Variants in USP10 observed in about 807,000 individuals in gnomAD.
USP10 encodes the protein ubiquitin carboxyl-terminal hydrolase 10.
USP10 carries 22 observed loss-of-function variants against 84.5 expected under a neutral mutation model. That is an observed-to-expected ratio of 0.26 (90% CI 0.19 to 0.37). USP10 has a LOEUF of 0.37. Among genes scored for constraint, USP10 ranks in the 10% least tolerant of loss-of-function variants. The pLI is 1.00. For synonymous variants in USP10, 454 were observed against 387.6 expected, an observed-to-expected ratio of 1.17 and a Z score of -2.01; for missense variants, 1,019 against 998.9, an observed-to-expected ratio of 1.02 and a Z score of -0.27.
chr16:84,709,627 T>G (rs1418918962), intron 1 of USP10, among the ~76,000 whole-genome samples: 1 of 151,694 alleles, frequency 6.6e-6, no homozygotes. Context: ...ACTCGGAGGG[T>G]GCCGTGGAGG....
In USP10 at chr16:84,753,361, G is replaced by A. The variant is rs189158354; in HGVS notation, c.1193-5355G>A. ...TCCTCTTGGGATGCTGAAAGTTGTTGGTTTTCTCAGACTCTCACATAAATT... is the reference window on the plus strand; with the variant it reads ...TCCTCTTGGGATGCTGAAAGTTGTTAGTTTTCTCAGACTCTCACATAAATT... On this transcript the variant is annotated intron_variant, in intron 4 of 13. Coordinates refer to ENST00000219473, the MANE Select transcript of USP10 (RefSeq NM_005153.3). Among the ~76,000 whole-genome samples the A allele has an allele frequency of 8.8e-4, 134 of 152,152 alleles. 1 individual carries two copies. In the Middle Eastern group the frequency reaches 0.014, roughly 15 times the overall value.
chr16:84,706,065 A>G (rs1456920356), intron 1 of USP10, among the ~76,000 whole-genome samples: 1 of 152,086 alleles, frequency 6.6e-6, no homozygotes, highest in African/African-American at 2.4e-5. Context: ...GTTGTTTTGT[A>G]GAGACAGGGA....
intron 11 of USP10, among the ~76,000 whole-genome samples, chr16:84,769,976 G>C (rs1914257571): frequency 6.6e-6 from 1 of 152,172 alleles, no homozygotes; most frequent in African/African-American, 2.4e-5. Context: ...AGGTGTGGTG[G>C]CTCACGCCCT....
intron 1 of USP10, among the ~76,000 whole-genome samples, chr16:84,721,324 G>C (rs1043051604): frequency 2.0e-5 from 3 of 152,196 alleles, no homozygotes; most frequent in Non-Finnish European, 1.5e-5. Flanking sequence ...CCGTAGATGA[G>C]AGATTAACAA....
In USP10 at chr16:84,706,848, A is replaced by G. The variant is rs1010726064; in HGVS notation, c.21+6737A>G. Among the ~76,000 whole-genome samples the G allele has an allele frequency of 5.3e-5, 8 of 152,036 alleles. No homozygotes were observed. The East Asian group carries it at 5.8e-4, about 11-fold the overall frequency. On this transcript the variant is annotated intron_variant, in intron 1 of 13. Transcript: ENST00000219473. ...AGCCACCGCGCCGGGCCAAGACTAT[A>G]TATATATTTATTCAAGACCTGAAGT...
chr16:84,765,675 C>G (rs906913073), intron 10 of USP10, among the ~76,000 whole-genome samples: 9 of 152,082 alleles, frequency 5.9e-5, no homozygotes, highest in Admixed American at 1.3e-4. Context: ...ATTGGCCCAT[C>G]CACAGACAGT....
intron 1 of USP10, chr16:84,708,881 G>T (rs1221044792): frequency 2.0e-5 from 3 of 152,220 alleles, no homozygotes; most frequent in African/African-American, 7.2e-5. Context: ...GATTTTGGTG[G>T]CCGGACGTTA....
At chr16:84,753,684 T>C (rs1342412691) in intron 4 of USP10, among the ~76,000 whole-genome samples, 1 of 152,238 alleles carries the variant, frequency 6.6e-6, no homozygotes, top group African/African-American at 2.4e-5. Flanking sequence ...ATTTAGACTT[T>C]CTGGACCAGG....
rs543026368 is a variant in USP10, at chr16:84,700,009, T to A, written c.-82T>A. On this transcript the variant is annotated 5_prime_UTR_variant, in exon 1 of 14. It removes an upstream start codon present in the reference 5' UTR. Transcript: ENST00000219473. ...GCGCGGCGGCCGATGCGAGTGTGTA[T>A]GTGCGGGCGAGAAGATGGCGGCGGC... 1.6e-6 allele frequency: 2 copies of A among 1,275,610 alleles called. No homozygotes were observed. The highest frequency in any genetic ancestry group is 1.0e-4 in the East Asian group (2 of 19,218). The allele number at this position is 1,275,610 out of a possible 1,614,324, so 79.0% of individuals were successfully genotyped here.
At chr16:84,735,314 A>G (rs1243431244) in intron 2 of USP10, among the ~76,000 whole-genome samples, 2 of 152,102 alleles carry the variant, frequency 1.3e-5, no homozygotes, top group African/African-American at 2.4e-5. Flanking sequence ...TTTAGTTGCT[A>G]CAGGTTTTCT....
chr16:84,714,935 AT>A lies in USP10; in HGVS notation c.21+14836del, dbSNP rs148741686. ...TCTGATTATTATTATTATTATTATT[AT>A]TTTTTTTTTTTGAGATGGAGTCTTG... On this transcript the variant is annotated intron_variant, in intron 1 of 13. Transcript: ENST00000219473. Among the ~76,000 whole-genome samples the A allele has an allele frequency of 8.7e-5, 12 of 138,662 alleles. No individual in the cohort carries two copies. In the South Asian group the frequency reaches 1.1e-3, roughly 13 times the overall value. 91.0% of individuals were successfully genotyped at this position (138,662 alleles called of 152,430 possible).
At chr16:84,712,984 A>G (rs1906510960) in intron 1 of USP10, among the ~76,000 whole-genome samples, 1 of 152,220 alleles carries the variant, frequency 6.6e-6, no homozygotes, top group South Asian at 2.1e-4. Context: ...TGGGCATGCC[A>G]GTGATCTATC....
intron 1 of USP10, among the ~76,000 whole-genome samples, chr16:84,725,880 G>A (rs1385502770): frequency 6.6e-6 from 1 of 152,146 alleles, no homozygotes; most frequent in Non-Finnish European, 1.5e-5. Flanking sequence ...TCCCCAAATT[G>A]AGCTTATTTG....
At chr16:84,718,763 CAAAA>C (rs1320385583) in intron 1 of USP10, among the ~76,000 whole-genome samples, 1 of 148,716 alleles carries the variant, frequency 6.7e-6, no homozygotes, top group Non-Finnish European at 1.5e-5. Flanking sequence ...GACAAAAAAA[CAAAA>C]AAAAAGTTTT....
chr16:84,748,458 C>T (rs898922003), intron 4 of USP10, among the ~76,000 whole-genome samples: 1 of 151,974 alleles, frequency 6.6e-6, no homozygotes, highest in Non-Finnish European at 1.5e-5. Context: ...TGCCTGGCAC[C>T]ACGCCAGGCT....
intron 2 of USP10, among the ~76,000 whole-genome samples, chr16:84,734,923 T>A (rs957196805): frequency 2.6e-5 from 4 of 152,232 alleles, no homozygotes; most frequent in African/African-American, 9.6e-5. Context: ...GTCAGCCCCG[T>A]TGGGCAGTGC....
chr16:84,729,192 T>G (rs58075439), intron 1 of USP10, among the ~76,000 whole-genome samples: 6,638 of 152,356 alleles, frequency 0.044, 455 homozygotes, highest in African/African-American at 0.15. Flanking sequence ...AATACAAAAA[T>G]GATGTCTTAA....
At chr16:84,750,680 A>T (rs1356618024) in intron 4 of USP10, among the ~76,000 whole-genome samples, 1 of 152,236 alleles carries the variant, frequency 6.6e-6, no homozygotes, top group Non-Finnish European at 1.5e-5. Flanking sequence ...TCACAAATAG[A>T]GCCATTTTGT....
chr16:84,703,436 C>T (rs1218756697), intron 1 of USP10, among the ~76,000 whole-genome samples: 1 of 152,210 alleles, frequency 6.6e-6, no homozygotes, highest in African/African-American at 2.4e-5. Context: ...CTTGTAATAG[C>T]AGATCCTCCA....
Sources: allele counts gnomAD v4.1 joint callset (sites outside exome capture counted in the v4.1 genomes callset), GRCh38; gene constraint gnomAD v4.1.1; transcripts MANE v1.5; gene names NCBI Gene and HGNC (gene_info 2026-07-23, HGNC 2026-07-21).